The following FAM161A variants were observed in gnomAD, a reference collection of about 807,000 sequenced individuals.
FAM161A encodes the protein FAM161 centrosomal protein A, also known as protein FAM161A.
FAM161A carries 57 observed loss-of-function variants against 70.9 expected under a neutral mutation model. The ratio of observed to expected loss-of-function variants is 0.80; its 90% confidence interval spans 0.65 to 1.00. The LOEUF (loss-of-function observed/expected upper bound fraction) is 1.00, where lower values mean the gene tolerates loss of function less well. FAM161A is among the 50% of genes least tolerant of loss of function. The pLI, the probability that FAM161A is intolerant of heterozygous loss-of-function variation, is 0.00. For missense variants in FAM161A, 880 were observed against 836.0 expected (o/e 1.05, Z -0.65); for synonymous variants, 299 against 295.7 (o/e 1.01, Z -0.12).
At chr2:61,820,697 C>A, downstream of FAM161A, 1 of 397,318 alleles carries the variant, frequency 2.5e-6, no homozygotes, top group Non-Finnish European at 4.6e-6. Flanking sequence ...ATTTAAAGAT[C>A]TATACTGAAA....
At chr2:61,827,343 G>T in intron 5 of FAM161A, 85 bp from the exon 6 acceptor site, 2 of 1,348,186 alleles carry the variant, frequency 1.5e-6, no homozygotes, top group Non-Finnish European at 2.1e-6. Context: ...AGGCGCGGTG[G>T]CTCACGCCTG....
At position 61,852,941 on chromosome 2, in the gene FAM161A, T is replaced by A. The variant is rs925859070; in HGVS notation, c.183+918A>T. 2.2e-5 allele frequency among the ~76,000 whole-genome samples: 3 copies of A among 138,228 alleles called. No homozygotes were observed. The East Asian group carries it at 6.1e-4, about 28-fold the overall frequency. The allele number at this position is 138,228 out of a possible 152,430, so 90.7% of individuals were successfully genotyped here. A position where few individuals can be genotyped will look rare whatever the true frequency, so the allele number is the denominator to read the frequency against. ...AGTTTAAATTCAAGATTCCCATCTTTTTTTTTTTTTTTTTTTTTTGAGACT... is the reference window on the plus strand; with the variant it reads ...AGTTTAAATTCAAGATTCCCATCTTATTTTTTTTTTTTTTTTTTTGAGACT... On this transcript the variant is annotated intron_variant, in intron 1 of 6. Transcript: ENST00000404929.
downstream of FAM161A, among the ~76,000 whole-genome samples, chr2:61,821,525 A>C (rs1259221061): frequency 1.3e-5 from 2 of 152,184 alleles, no homozygotes; most frequent in African/African-American, 4.8e-5. Flanking sequence ...TCTTAACTAG[A>C]AAATTTTACA....
chr2:61,838,896 T>TTTATTTATTTATTTA (rs373834208), intron 3 of FAM161A, among the ~76,000 whole-genome samples, 191 bp from the exon 4 acceptor site: 2 of 108,116 alleles, frequency 1.8e-5, no homozygotes, highest in Non-Finnish European at 4.1e-5. Context: ...TTATTTATTT[T>TTTATTTATTTATTTA]TTTTGAGATG....
the FAM161A span, among the ~76,000 whole-genome samples, chr2:61,804,174 T>C: frequency 6.6e-6 from 1 of 152,216 alleles, no homozygotes; most frequent in African/African-American, 2.4e-5. Flanking sequence ...ATGGCACTGG[T>C]GGGAGTGTAG....
chr2:61,813,716 C>T, the FAM161A span, among the ~76,000 whole-genome samples: 15 of 113,296 alleles, frequency 1.3e-4, no homozygotes, highest in Admixed American at 1.0e-3. Flanking sequence ...AAGACCCTGT[C>T]TCAAAAAAAA....
chr2:61,814,909 C>A, the FAM161A span, among the ~76,000 whole-genome samples: 1 of 152,112 alleles, frequency 6.6e-6, no homozygotes, highest in Admixed American at 6.5e-5. Context: ...TACAGTTATC[C>A]TTTCCAGGGC....
At chr2:61,807,874 C>T in the FAM161A span, among the ~76,000 whole-genome samples, 1 of 152,146 alleles carries the variant, frequency 6.6e-6, no homozygotes, top group Non-Finnish European at 1.5e-5. Flanking sequence ...CTCCAGGCCT[C>T]AAATAAACCT....
chr2:61,815,873 C>T, the FAM161A span, among the ~76,000 whole-genome samples: 1 of 152,034 alleles, frequency 6.6e-6, no homozygotes, highest in Non-Finnish European at 1.5e-5. Context: ...TTTTGTCCCT[C>T]CTTGTCCACT....
the FAM161A span, among the ~76,000 whole-genome samples, chr2:61,812,796 G>A: frequency 5.3e-5 from 8 of 151,950 alleles, no homozygotes; most frequent in Admixed American, 1.3e-4. Flanking sequence ...CTGGCCGGGC[G>A]CGGTGGCTCA....
the FAM161A span, among the ~76,000 whole-genome samples, chr2:61,804,553 T>C: frequency 6.6e-6 from 1 of 151,674 alleles, no homozygotes; most frequent in South Asian, 2.1e-4. Flanking sequence ...AGCGTGCTGG[T>C]GTGCACCTGT....
At chr2:61,821,006 T>A (rs1672191001), downstream of FAM161A, among the ~76,000 whole-genome samples, 1 of 152,184 alleles carries the variant, frequency 6.6e-6, no homozygotes, top group Non-Finnish European at 1.5e-5. Flanking sequence ...CTGGTATATC[T>A]TTTCAGAGTT....
chr2:61,853,989 G>A lies in FAM161A; in HGVS notation c.53C>T (p.Pro18Leu). The change falls in exon 1 of 7, where the codon CCG becomes CTG. Residue 18 changes from proline (P) to leucine (L), a missense_variant. Physicochemically the swap from Pro to Leu is moderately conservative, Grantham distance 98 (BLOSUM62 -3). Transcript: ENST00000404929. ...CCGCGCTCCAGTGATGGGATTTACC[G>A]GGGTCTGGAGACTGGAGGCCACCAG... is the stretch of plus-strand genomic sequence containing the variant. The part of the protein sequence containing the change: ...AKLVASSLQT[P>L]VNPITGARVA... 2 of 1,613,634 alleles carry A rather than the reference G, an allele frequency of 1.2e-6. No homozygotes were observed. Among genetic ancestry groups the A allele is most frequent in the Non-Finnish European group, 1.7e-6 (2 of 1,179,750 alleles).
the FAM161A span, among the ~76,000 whole-genome samples, chr2:61,812,923 G>C: frequency 1.3e-5 from 2 of 151,732 alleles, no homozygotes; most frequent in East Asian, 3.9e-4. Flanking sequence ...CAAAAAATTA[G>C]CTGGGCGTGG....
intron 1 of FAM161A, among the ~76,000 whole-genome samples, chr2:61,843,425 C>A (rs114884859): frequency 6.6e-6 from 1 of 152,192 alleles, no homozygotes; most frequent in Non-Finnish European, 1.5e-5. Context: ...CCGTGCCCTA[C>A]CCTTTCAGTT....
At chr2:61,816,640 T>G in the FAM161A span, among the ~76,000 whole-genome samples, 1 of 152,046 alleles carries the variant, frequency 6.6e-6, no homozygotes, top group Non-Finnish European at 1.5e-5. Context: ...TTGTATTTTT[T>G]GTAGAGACGG....
rs548868621 is a variant in FAM161A at position 61,826,075 on chromosome 2, T to A, written c.*380A>T. 2 of 462,228 alleles carry A rather than the reference T, an allele frequency of 4.3e-6. No homozygotes were observed. Among genetic ancestry groups the A allele is most frequent in the African/African-American group, 2.0e-5 (1 of 50,486 alleles). 28.6% of individuals were successfully genotyped at this position (462,228 alleles called of 1,614,324 possible). A position where few individuals can be genotyped will look rare whatever the true frequency, so the allele number is the denominator to read the frequency against. Reference sequence around the variant, plus strand: ...ATTGATTCACACTTTCCAAAATTTTTAAAAAGTAAACCACCAAAGACCAAT... The same window carrying A: ...ATTGATTCACACTTTCCAAAATTTTAAAAAAGTAAACCACCAAAGACCAAT... On this transcript the variant is annotated 3_prime_UTR_variant, in exon 7 of 7. Transcript: ENST00000404929.
chr2:61,835,979 AC>A (rs1235700704), intron 5 of FAM161A, 30 bp downstream of exon 5: 1 of 1,407,220 alleles, frequency 7.1e-7, no homozygotes, highest in Non-Finnish European at 9.9e-7. Context: ...AAAAAAACTG[AC>A]GATAGCTCTT....
At chr2:61,814,411 A>G in the FAM161A span, among the ~76,000 whole-genome samples, 1 of 152,244 alleles carries the variant, frequency 6.6e-6, no homozygotes, top group Non-Finnish European at 1.5e-5. Flanking sequence ...GTTGAAATGC[A>G]GTAGTGGAAA....
Sources: allele counts gnomAD v4.1 joint callset (sites outside exome capture counted in the v4.1 genomes callset), GRCh38; gene constraint gnomAD v4.1.1; transcripts MANE v1.5; gene names NCBI Gene and HGNC (gene_info 2026-07-23, HGNC 2026-07-21).